Variants in TMC3 observed in about 807,000 individuals in gnomAD.
The protein encoded by TMC3 is transmembrane channel like 3, also known as transmembrane channel-like protein 3.
TMC3 carries 98 observed loss-of-function variants against 110.6 expected under a neutral mutation model. The ratio of observed to expected loss-of-function variants is 0.89; its 90% confidence interval spans 0.75 to 1.05. The LOEUF is 1.05. TMC3 is among the 50% of genes least tolerant of loss of function. TMC3 has a pLI of 0.00. For missense variants in TMC3, 1,319 were observed against 1,373.2 expected, an observed-to-expected ratio of 0.96 and a Z score of 0.62; for synonymous variants, 489 against 513.1, an observed-to-expected ratio of 0.95 and a Z score of 0.63.
chr15:81,335,123 A>T (rs771339940), intron 20 of TMC3, 148 bp from the exon 21 acceptor site: 1 of 830,346 alleles, frequency 1.2e-6, no homozygotes, highest in Admixed American at 2.8e-5. Flanking sequence ...ACCAGTGGGC[A>T]ACAAACATTC....
chr15:81,341,660 C>T, intron 15 of TMC3, 142 bp from the exon 16 acceptor site: 1 of 763,650 alleles, frequency 1.3e-6, no homozygotes, highest in Non-Finnish European at 2.0e-6. Flanking sequence ...CCCCTGAAGT[C>T]CCGAGACCAC....
intron 15 of TMC3, 44 bp from the exon 16 acceptor site, chr15:81,341,562 C>T: frequency 6.3e-7 from 1 of 1,584,704 alleles, no homozygotes; most frequent in Non-Finnish European, 8.6e-7. Flanking sequence ...TCTCTTTCAG[C>T]CTATCTCCCA....
chr15:81,348,327 G>T (rs1306937368), intron 11 of TMC3, among the ~76,000 whole-genome samples: 1 of 152,222 alleles, frequency 6.6e-6, no homozygotes, highest in Non-Finnish European at 1.5e-5. Flanking sequence ...CAGGTTGAAG[G>T]TGAGATCAGG....
Position 81,346,388 on chromosome 15 carries a change from T to C in TMC3, c.1249A>G (p.Lys417Glu). 1 of 1,613,808 alleles carries C rather than the reference T, an allele frequency of 6.2e-7. No homozygotes were observed. Among genetic ancestry groups the C allele is most frequent in the Non-Finnish European group, 8.5e-7 (1 of 1,179,858 alleles). ...ACCTCAATGCTCATGCTGTTAACTT[T>C]GTCCAGGAGAGCAATGATCAGGCTG... ...LYSLIIALLD[K>E]VNSMSIEEMA... Residue 417 changes from lysine to glutamate, a missense_variant, in exon 12 of 22, where the codon AAA becomes GAA. By Grantham distance (56) the Lys-to-Glu change is moderately conservative. Transcript: ENST00000359440.
chr15:81,331,464 T>C lies in TMC3; in HGVS notation c.*955A>G, dbSNP rs1471362636. 6.6e-6 allele frequency: 1 copy of C among 152,176 alleles called. No homozygotes were observed. The highest frequency in any genetic ancestry group is 2.4e-5 in the African/African-American group (1 of 41,454). The allele number at this position is 152,176 out of a possible 1,614,324, so 9.4% of individuals were successfully genotyped here. On this transcript the variant is annotated 3_prime_UTR_variant, in exon 22 of 22. Transcript: ENST00000359440. ...TAGTGTTCTTCTTTAACTTAGACTA[T>C]GGGGGAGCTACACTACACTTAGCTT... is the stretch of plus-strand genomic sequence containing the variant.
At chr15:81,364,800 A>G (rs1894273870) in intron 3 of TMC3, among the ~76,000 whole-genome samples, 1 of 152,054 alleles carries the variant, frequency 6.6e-6, no homozygotes, top group South Asian at 2.1e-4. Flanking sequence ...TGAAGTTCAC[A>G]GTCACTTCAG....
intron 15 of TMC3, among the ~76,000 whole-genome samples, chr15:81,342,141 G>A (rs1893728851): frequency 6.6e-6 from 1 of 152,182 alleles, no homozygotes; most frequent in South Asian, 2.1e-4. Flanking sequence ...TCCCAGGGAA[G>A]CTGGGACTTA....
rs1815838708 is a variant in TMC3 at position 81,356,603 on chromosome 15, G to A, written c.744-9C>T. The A allele has an allele frequency of 1.3e-6, 2 of 1,583,544 alleles. No individual in the cohort carries two copies. The highest frequency in any genetic ancestry group is 1.7e-6 in the Non-Finnish European group (2 of 1,164,832). On this transcript the variant is annotated splice_polypyrimidine_tract_variant and intron_variant, in intron 7 of 21. Coordinates refer to ENST00000359440, the MANE Select transcript of TMC3 (RefSeq NM_001080532.3). The stretch of plus-strand genomic sequence containing the variant: ...GGGAGTTCTTAGCCATCCTGCAAAA[G>A]AGGAGCACAAACAGGTCTTGGGAGT...
intron 7 of TMC3, 123 bp from the exon 8 acceptor site, chr15:81,356,717 G>A (rs1483627250): frequency 1.0e-5 from 11 of 1,078,536 alleles, no homozygotes; most frequent in African/African-American, 4.8e-5. Context: ...GCAGCTCCTC[G>A]GGTCACAGCT....
At position 81,332,484 on chromosome 15, in the gene TMC3, T is replaced by G. The variant is rs922809112; in HGVS notation, c.3238A>C (p.Arg1080=). The part of the protein sequence containing the change: ...FPRSVGQPSR[R]KAKSGQELTV... ...AGCTCCTGCCCCGACTTGGCCTTCC[T>G]CCTGCTGGGCTGGCCCACGGACCTC... Residue 1080 remains arginine (R), a synonymous_variant, in exon 22 of 22, where the codon AGG becomes CGG. Transcript: ENST00000359440. 6.2e-7 allele frequency: 1 copy of G among 1,613,124 alleles called. No individual in the cohort carries two copies. The highest frequency in any genetic ancestry group is 1.1e-5 in the South Asian group (1 of 90,838).
intron 11 of TMC3, among the ~76,000 whole-genome samples, chr15:81,348,484 T>G (rs1893872697): frequency 6.6e-6 from 1 of 152,178 alleles, no homozygotes. Flanking sequence ...ATAAAGCCAG[T>G]GCTCAAAATG....
intron 12 of TMC3, among the ~76,000 whole-genome samples, chr15:81,345,502 C>G (rs1010455570): frequency 6.6e-6 from 1 of 152,138 alleles, no homozygotes; most frequent in Non-Finnish European, 1.5e-5. Context: ...GGGCAAACAA[C>G]CCTAAAAGAG....
chr15:81,358,529 G>C (rs764144305), intron 5 of TMC3, 29 bp from the exon 6 acceptor site: 2 of 1,572,326 alleles, frequency 1.3e-6, no homozygotes, highest in South Asian at 2.3e-5. Context: ...ATGTCATGTG[G>C]TCCTCTGGGT....
intron 11 of TMC3, 108 bp from the exon 12 acceptor site, chr15:81,346,551 G>T: frequency 9.4e-7 from 1 of 1,067,270 alleles, no homozygotes; most frequent in Non-Finnish European, 1.4e-6. Context: ...TAAGGCAGTG[G>T]CTGCCACACT....
At chr15:81,338,150 G>A (rs893833493) in intron 18 of TMC3, among the ~76,000 whole-genome samples, 25 of 152,156 alleles carry the variant, frequency 1.6e-4, no homozygotes, top group African/African-American at 5.6e-4. Flanking sequence ...CAGCACCCTC[G>A]TTGACCTGGA....
Position 81,338,644 on chromosome 15 carries a change from G to A in TMC3, c.2081+11C>T, listed in dbSNP as rs1486164281. On this transcript the variant is annotated intron_variant, in intron 18 of 21. Transcript: ENST00000359440. ...AGAAGTCCCTCCAAAGCTGGCAGGT[G>A]TGGTACTCACAAAAGCAGGAGTACT... 1.2e-6 allele frequency: 2 copies of A among 1,613,622 alleles called. No individual in the cohort carries two copies. The highest frequency in any genetic ancestry group is 4.5e-5 in the East Asian group (2 of 44,886).
chr15:81,357,519 A>G (rs993859305), intron 7 of TMC3, among the ~76,000 whole-genome samples: 2 of 151,894 alleles, frequency 1.3e-5, no homozygotes, highest in African/African-American at 4.8e-5. Context: ...CAACCTACCC[A>G]TTTTACAGAT....
chr15:81,371,641 T>TCTTA (rs759798404), intron 2 of TMC3, among the ~76,000 whole-genome samples: 17 of 152,212 alleles, frequency 1.1e-4, no homozygotes, highest in Non-Finnish European at 1.9e-4. Flanking sequence ...CCTTACTCAC[T>TCTTA]CTTAGTGAGT....
intron 2 of TMC3, among the ~76,000 whole-genome samples, chr15:81,372,138 G>C (rs1048896778): frequency 1.3e-5 from 2 of 151,000 alleles, no homozygotes; most frequent in East Asian, 1.9e-4. Flanking sequence ...TTTTTACCCA[G>C]AGGGTGGTAA....
Sources: allele counts gnomAD v4.1 joint callset (sites outside exome capture counted in the v4.1 genomes callset), GRCh38; gene constraint gnomAD v4.1.1; transcripts MANE v1.5; gene names NCBI Gene and HGNC (gene_info 2026-07-23, HGNC 2026-07-21).